Variants in GRID2 observed in about 807,000 individuals in gnomAD.
GRID2 encodes glutamate ionotropic receptor delta type subunit 2.
Under a neutral mutation model 114.8 loss-of-function variants are expected in GRID2, and 33 were observed. The ratio of observed to expected loss-of-function variants is 0.29; its 90% CI spans 0.22 to 0.38. GRID2 has a LOEUF of 0.38. Ranked by LOEUF, GRID2 falls within the 10% of genes least tolerant of loss-of-function variation. The probability of loss-of-function intolerance (pLI) is 1.00; values close to 1 mark genes in which losing one functional copy is unlikely to be tolerated. For synonymous variants in GRID2, 505 were observed against 449.9 expected, an observed-to-expected ratio of 1.12 and a Z score of -1.55; for missense variants, 1,184 against 1,257.7, an observed-to-expected ratio of 0.94 and a Z score of 0.89.
Position 93,108,802 on chromosome 4 carries a change from C to T in GRID2, c.530-1946C>T, listed in dbSNP as rs145053378. On this transcript the variant is annotated intron_variant, in intron 3 of 15. Coordinates refer to ENST00000282020, the MANE Select transcript of GRID2 (RefSeq NM_001510.4). ...TGTGCCACCACGCCTGACTAATTTTCGTATTTTTAGTAGAGATGGGGTTTC... is the reference window on the plus strand; with the variant it reads ...TGTGCCACCACGCCTGACTAATTTTTGTATTTTTAGTAGAGATGGGGTTTC... Among the ~76,000 whole-genome samples, 748 of 151,728 alleles carry T rather than the reference C, an allele frequency of 4.9e-3. 6 individuals carry two copies. Among genetic ancestry groups the T allele is most frequent in the African/African-American group, 0.017 (695 of 41,408 alleles).
intron 8 of GRID2, among the ~76,000 whole-genome samples, chr4:93,322,129 G>A (rs1370269002): frequency 6.6e-6 from 1 of 151,220 alleles, no homozygotes; most frequent in Non-Finnish European, 1.5e-5. Flanking sequence ...CATGTGCCAT[G>A]TTGGTGTGCT....
chr4:93,798,168 T>A (rs1289862779), intron 1 of GRID2, among the ~76,000 whole-genome samples: 2 of 151,024 alleles, frequency 1.3e-5, no homozygotes, highest in African/African-American at 2.4e-5. Context: ...AGAAAAAAAA[T>A]AAAAAATAAA....
intron 2 of GRID2, among the ~76,000 whole-genome samples, chr4:92,754,381 G>C (rs1395605976): frequency 1.3e-5 from 2 of 152,154 alleles, no homozygotes; most frequent in African/African-American, 2.4e-5. Context: ...GGTAGTAGGA[G>C]ATAGACGATC....
At chr4:92,870,948 T>C (rs1745228000) in intron 2 of GRID2, among the ~76,000 whole-genome samples, 1 of 152,210 alleles carries the variant, frequency 6.6e-6, no homozygotes, top group African/African-American at 2.4e-5. Context: ...TCTTATCTGG[T>C]GTTTTATTGT....
At chr4:92,999,027 G>T (rs575862589) in intron 2 of GRID2, among the ~76,000 whole-genome samples, 2 of 151,662 alleles carry the variant, frequency 1.3e-5, no homozygotes, top group Non-Finnish European at 3.0e-5. Context: ...TTCTTGGCTG[G>T]TCCTTATTGT....
chr4:93,061,815 A>G (rs1403394836), intron 2 of GRID2, among the ~76,000 whole-genome samples: 1 of 152,152 alleles, frequency 6.6e-6, no homozygotes, highest in East Asian at 1.9e-4. Flanking sequence ...ATGACTTCTT[A>G]GACACTTGGC....
chr4:93,397,304 T>A (rs1450674965), intron 9 of GRID2, among the ~76,000 whole-genome samples: 1 of 151,970 alleles, frequency 6.6e-6, no homozygotes, highest in East Asian at 1.9e-4. Flanking sequence ...TGAATTCGCT[T>A]CTGTATGTAC....
intron 1 of GRID2, among the ~76,000 whole-genome samples, chr4:92,520,750 G>C (rs534096685): frequency 3.9e-5 from 6 of 151,932 alleles, no homozygotes; most frequent in Admixed American, 1.3e-4. Context: ...ATTCAGATGC[G>C]TGAGGAGCTC....
At chr4:92,781,281 C>CA (rs1739061475) in intron 2 of GRID2, among the ~76,000 whole-genome samples, 1 of 151,790 alleles carries the variant, frequency 6.6e-6, no homozygotes, top group Non-Finnish European at 1.5e-5. Context: ...AAAACAACAA[C>CA]AAAAAAACAA....
intron 2 of GRID2, among the ~76,000 whole-genome samples, chr4:92,828,553 A>G (rs1741889502): frequency 1.3e-5 from 2 of 152,208 alleles, no homozygotes; most frequent in African/African-American, 4.8e-5. Context: ...TAATTGGTTT[A>G]TATTGCTTTA....
chr4:93,429,095 G>A (rs1769149956), intron 10 of GRID2, among the ~76,000 whole-genome samples: 1 of 152,150 alleles, frequency 6.6e-6, no homozygotes, highest in African/African-American at 2.4e-5. Context: ...ATCAAGAATC[G>A]CCTACTGCCA....
chr4:92,527,508 G>C (rs1273450071), intron 1 of GRID2, among the ~76,000 whole-genome samples: 1 of 152,036 alleles, frequency 6.6e-6, no homozygotes, highest in South Asian at 2.1e-4. Context: ...GGGAGATACA[G>C]TATTACAAAT....
At chr4:92,816,443 C>T (rs1740923229) in intron 2 of GRID2, among the ~76,000 whole-genome samples, 1 of 151,400 alleles carries the variant, frequency 6.6e-6, no homozygotes, top group South Asian at 2.1e-4. Context: ...ATTGCTCATA[C>T]ATTAATGCAT....
chr4:92,689,409 G>C (rs1579847836), intron 2 of GRID2, among the ~76,000 whole-genome samples: 1 of 152,248 alleles, frequency 6.6e-6, no homozygotes, highest in East Asian at 1.9e-4. Context: ...TATGATCTTA[G>C]CTAGCTCTTC....
At chr4:92,651,080 G>A (rs749892222) in intron 2 of GRID2, among the ~76,000 whole-genome samples, 13 of 152,184 alleles carry the variant, frequency 8.5e-5, no homozygotes, top group Non-Finnish European at 8.8e-5. Context: ...ATGCTGTGTA[G>A]AATATCATAA....
chr4:93,395,748 G>T, intron 9 of GRID2, 40 bp downstream of exon 9: 1 of 858,210 alleles, frequency 1.2e-6, no homozygotes, highest in Non-Finnish European at 2.0e-6. Context: ...ACTTTTGGAG[G>T]TTACTTTATC....
At chr4:93,371,041 G>A (rs867064235) in intron 8 of GRID2, among the ~76,000 whole-genome samples, 6 of 152,178 alleles carry the variant, frequency 3.9e-5, no homozygotes, top group Non-Finnish European at 7.3e-5. Flanking sequence ...TCCATTGTAA[G>A]AGAGAAAGAT....
At chr4:93,536,295 T>C (rs1732066219) in intron 13 of GRID2, among the ~76,000 whole-genome samples, 1 of 151,850 alleles carries the variant, frequency 6.6e-6, no homozygotes, top group African/African-American at 2.4e-5. Context: ...CACATCCTGA[T>C]TGGAAACTGT....
intron 8 of GRID2, among the ~76,000 whole-genome samples, chr4:93,314,256 G>A (rs1272524999): frequency 8.1e-6 from 1 of 122,920 alleles, no homozygotes; most frequent in Non-Finnish European, 1.6e-5. Flanking sequence ...AGTGAGCCAA[G>A]ATCGTACACC....
Sources: gnomAD v4.1 joint callset for allele counts (sites outside exome capture counted in the v4.1 genomes callset) on GRCh38, gnomAD v4.1.1 for gene constraint, MANE v1.5 for transcripts, NCBI Gene and HGNC (gene_info 2026-07-23, HGNC 2026-07-21) for gene names.